The following SLC4A2 variants were observed in gnomAD, a reference collection of about 807,000 sequenced individuals.
The protein encoded by SLC4A2 is anion exchange protein 2.
Under a neutral mutation model 115.0 loss-of-function variants are expected in SLC4A2, and 36 were observed. That is an observed-to-expected ratio of 0.31 (90% confidence interval 0.24 to 0.41). The LOEUF is 0.41. SLC4A2 is among the 10% of genes least tolerant of loss of function. The pLI, the probability that SLC4A2 is intolerant of heterozygous loss-of-function variation, is 1.00. For missense variants in SLC4A2, 1,252 were observed against 1,705.6 expected, an observed-to-expected ratio of 0.73 and a Z score of 4.68; for synonymous variants, 708 against 708.3, an observed-to-expected ratio of 1.00 and a Z score of 0.01.
chr7:151,061,052 T>C (rs1210417740), intron 1 of SLC4A2, among the ~76,000 whole-genome samples: 1 of 151,702 alleles, frequency 6.6e-6, no homozygotes, highest in Non-Finnish European at 1.5e-5. Flanking sequence ...CACAGTGTCC[T>C]CCCCAGACTC....
At chr7:151,069,733 C>T (rs1339209029) in intron 8 of SLC4A2, among the ~76,000 whole-genome samples, 4 of 151,994 alleles carry the variant, frequency 2.6e-5, no homozygotes, top group African/African-American at 4.8e-5. Context: ...AGCCTCATAA[C>T]GTTCCTGGGG....
At chr7:151,072,807 C>T (rs1044272839) in intron 16 of SLC4A2, among the ~76,000 whole-genome samples, 6 of 151,874 alleles carry the variant, frequency 4.0e-5, no homozygotes, top group African/African-American at 1.5e-4. Flanking sequence ...TACAGGCACA[C>T]GCCACCATGC....
At chr7:151,066,428 G>A in intron 5 of SLC4A2, 89 bp from the exon 6 acceptor site, 1 of 1,406,080 alleles carries the variant, frequency 7.1e-7, no homozygotes, top group Non-Finnish European at 9.3e-7. Context: ...GTCCGATGTG[G>A]GTCCCCTCCC....
chr7:151,074,861 G>C lies in SLC4A2; in HGVS notation c.3047+20G>C. ...CACCACGTGAGTGGTCCTAGCCAAA[G>C]GGGTGTGAGAGGCCAGAGCCCCAGG... is the stretch of plus-strand genomic sequence containing the variant. On this transcript the variant is annotated intron_variant, in intron 19 of 22. Transcript: ENST00000413384. 6.3e-7 allele frequency: 1 copy of C among 1,577,616 alleles called. No individual in the cohort carries two copies. Among genetic ancestry groups the C allele is most frequent in the Non-Finnish European group, 8.6e-7 (1 of 1,161,608 alleles).
rs367567976 is a variant in SLC4A2, at chr7:151,066,288, G to A, written c.579-229G>A. 1.6e-3 allele frequency among the ~76,000 whole-genome samples: 248 copies of A among 152,356 alleles called. 1 individual carries two copies. Among genetic ancestry groups the A allele is most frequent in the African/African-American group, 5.5e-3 (228 of 41,588 alleles). ...CGCAGTGGCCGTTCAGAGGGGCCTC[G>A]GGGTGACCGTTTGGGGCTGCACAGC... is the stretch of plus-strand genomic sequence containing the variant. On this transcript the variant is annotated intron_variant, in intron 5 of 22. Coordinates refer to ENST00000413384, the MANE Select transcript of SLC4A2 (RefSeq NM_003040.4).
chr7:151,070,906 G>C lies in SLC4A2; in HGVS notation c.1744G>C (p.Asp582His), dbSNP rs774597714. The C allele has an allele frequency of 6.2e-7, 1 of 1,612,574 alleles. No individual in the cohort carries two copies. Among genetic ancestry groups the C allele is most frequent in the Non-Finnish European group, 8.5e-7 (1 of 1,179,934 alleles). ...CCGCTCCATCTCCACCCTCATGTCA[G>C]ACAAGGTCAGCTACCCTCCTCCTCT... ...IGRSISTLMS[D>H]KQFHEAAYLA... Residue 582 changes from aspartate to histidine, a missense_variant, in exon 12 of 23, where the codon GAC (aspartate) becomes CAC (histidine). Around this residue, in one of 14 missense-constraint regions of SLC4A2, gnomAD observed 87 missense variants for 170.3 expected, o/e 0.51. Transcript: ENST00000413384.
In SLC4A2 at chr7:151,067,881, T is replaced by C. The variant is rs1422544125; in HGVS notation, c.974T>C (p.Val325Ala). 6.2e-7 allele frequency: 1 copy of C among 1,612,226 alleles called. No homozygotes were observed. Among genetic ancestry groups the C allele is most frequent in the Admixed American group, 1.7e-5 (1 of 59,612 alleles). Residue 325 changes from valine (V) to alanine (A), a missense_variant, in exon 8 of 23, where the codon GTG becomes GCG. Val to Ala is a moderately conservative substitution (Grantham distance 64). Coordinates refer to ENST00000413384, the MANE Select transcript of SLC4A2 (RefSeq NM_003040.4). ...RAPHKPHEVF[V>A]ELNELLLDKN... Reference sequence around the variant, plus strand: ...TTCTCTTCTCTCCCCAAGGTGTTTGTGGAGCTGAATGAGTTGCTCCTGGAC... The same window carrying C: ...TTCTCTTCTCTCCCCAAGGTGTTTGCGGAGCTGAATGAGTTGCTCCTGGAC...
At chr7:151,062,364 G>C (rs1797078138) in intron 2 of SLC4A2, among the ~76,000 whole-genome samples, 1 of 152,178 alleles carries the variant, frequency 6.6e-6, no homozygotes, top group Non-Finnish European at 1.5e-5. Flanking sequence ...TAGAGGCGCA[G>C]GTCAAGTCTG....
Position 151,064,110 on chromosome 7 carries a change from G to T in SLC4A2, c.52-92G>T. 8.1e-6 allele frequency: 11 copies of T among 1,360,822 alleles called. No homozygotes were observed. In the South Asian group the frequency reaches 1.3e-4, roughly 16 times the overall value. 84.3% of individuals were successfully genotyped at this position (1,360,822 alleles called of 1,614,324 possible). A position where few individuals can be genotyped will look rare whatever the true frequency, so the allele number is the denominator to read the frequency against. On this transcript the variant is annotated intron_variant, in intron 2 of 22. Transcript: ENST00000413384. The stretch of plus-strand genomic sequence containing the variant: ...AGGAGATAGCTGCTGGCGGGGGAGG[G>T]TTCCTGGGTCTCTGGCACTGGGAAG...
chr7:151,071,949 G>A lies in SLC4A2; in HGVS notation c.2348G>A (p.Ser783Asn), dbSNP rs1366290791. 5 of 1,613,800 alleles carry A rather than the reference G, an allele frequency of 3.1e-6. No homozygotes were observed. The highest frequency in any genetic ancestry group is 4.2e-6 in the Non-Finnish European group (5 of 1,179,924). ...GACTGCCCCTCCCTCCAGTTCTGTA[G>A]CAGCAACCACCTGGAGTACCTGGTG... ...VFEEAFFSFC[S>N]SNHLEYLVGR... The change falls in exon 16 of 23, where the codon AGC (serine) becomes AAC (asparagine). Residue 783 changes from serine to asparagine, a missense_variant. Coordinates refer to ENST00000413384, the MANE Select transcript of SLC4A2 (RefSeq NM_003040.4). The surrounding 1 kb of genome is among the most constrained non-coding windows in gnomAD (Gnocchi z 5.5).
At chr7:151,068,638 GC>G (rs898449018) in intron 8 of SLC4A2, among the ~76,000 whole-genome samples, 15 of 152,038 alleles carry the variant, frequency 9.9e-5, no homozygotes, top group African/African-American at 3.6e-4. Flanking sequence ...TCCTGCCTCA[GC>G]CTCCCAAGTA....
chr7:151,074,590 C>T (rs1285018238), intron 18 of SLC4A2, 85 bp from the exon 19 acceptor site: 2 of 1,575,486 alleles, frequency 1.3e-6, no homozygotes, highest in East Asian at 2.2e-5. Context: ...AAGCTTAAGC[C>T]TGTCCTTAAG....
chr7:151,059,486 C>T (rs1203881371), upstream of SLC4A2: 1 of 151,202 alleles, frequency 6.6e-6, no homozygotes, highest in Admixed American at 6.6e-5. The surrounding 1 kb of genome is among the most constrained non-coding windows in gnomAD (Gnocchi z 5.8). Context: ...GCGGGGGCGG[C>T]CCCTGGTGCC....
At position 151,073,007 on chromosome 7, in the gene SLC4A2, C is replaced by A. The variant is rs149581726; in HGVS notation, c.2535+871C>A. Among the ~76,000 whole-genome samples, 499 of 152,252 alleles carry A rather than the reference C, an allele frequency of 3.3e-3. 1 individual carries two copies. Among genetic ancestry groups the A allele is most frequent in the Non-Finnish European group, 4.6e-3 (312 of 68,020 alleles). Reference sequence around the variant, plus strand: ...TTTTAAAAACTTCTATATTTAATGGCACAGTGGCGCCATTAGAGCTCACTG... The same window carrying A: ...TTTTAAAAACTTCTATATTTAATGGAACAGTGGCGCCATTAGAGCTCACTG... On this transcript the variant is annotated intron_variant, in intron 16 of 22. Coordinates refer to ENST00000413384, the MANE Select transcript of SLC4A2 (RefSeq NM_003040.4).
chr7:151,069,343 C>CTGAAAGTTGGCCTTGCCAGATGAA (rs1797350190), intron 8 of SLC4A2, among the ~76,000 whole-genome samples: 1 of 151,986 alleles, frequency 6.6e-6, no homozygotes, highest in Admixed American at 6.6e-5. Flanking sequence ...GTCTTTGTTC[C>CTGAAAGTTGGCCTTGCCAGATGAA]TGAAAGTTGG....
rs1797025321 is a variant in SLC4A2, at chr7:151,060,975, G to A, written c.-63-950G>A. 6.6e-6 allele frequency among the ~76,000 whole-genome samples: 1 copy of A among 151,998 alleles called. No individual in the cohort carries two copies. The highest frequency in any genetic ancestry group is 1.5e-5 in the Non-Finnish European group (1 of 67,964). On this transcript the variant is annotated intron_variant, in intron 1 of 22. Coordinates refer to ENST00000413384, the MANE Select transcript of SLC4A2 (RefSeq NM_003040.4). This position sits in a 1 kb window ranked among gnomAD's most constrained non-coding sequence, Gnocchi z 5.9. Reference sequence around the variant, plus strand: ...TCTTGGGTGCCCCCTGTGCTGACCCGCTAGGAATGCGCCCCCTATTTGCAG... The same window carrying A: ...TCTTGGGTGCCCCCTGTGCTGACCCACTAGGAATGCGCCCCCTATTTGCAG...
At chr7:151,062,994 C>G (rs544693593) in intron 2 of SLC4A2, 1 of 1,427,198 alleles carries the variant, frequency 7.0e-7, no homozygotes, top group Non-Finnish European at 9.1e-7. Context: ...TTGGAGATCC[C>G]GATGCCCTTC....
In SLC4A2 at chr7:151,075,716, C is replaced by T. The variant is rs1563367045; in HGVS notation, c.3412C>T (p.Arg1138Trp). 6.2e-7 allele frequency: 1 copy of T among 1,611,428 alleles called. No individual in the cohort carries two copies. Residue 1138 changes from arginine to tryptophan, a missense_variant, in exon 21 of 23, where the codon CGG becomes TGG. Physicochemically the swap from Arg to Trp is moderately radical, Grantham distance 101. Transcript: ENST00000413384. ...CCTTAACGGGATCCAGTTCTATGAG[C>T]GGCTGCATCTGCTGCTCATGCCGCC... ...TSLNGIQFYE[R>W]LHLLLMPPKH...
chr7:151,058,573 T>A (rs1796955667), upstream of SLC4A2: 1 of 152,284 alleles, frequency 6.6e-6, no homozygotes, highest in South Asian at 2.1e-4. Flanking sequence ...TGAGCCCCGT[T>A]TGTTGTCTCG....
Sources: allele counts gnomAD v4.1 joint callset (sites outside exome capture counted in the v4.1 genomes callset), GRCh38; gene constraint gnomAD v4.1.1; regional missense constraint gnomAD v4.1.1; non-coding constraint Gnocchi (gnomAD v3.1); transcripts MANE v1.5; gene names NCBI Gene and HGNC (gene_info 2026-07-23, HGNC 2026-07-21).